The following SVOP variants were observed in gnomAD, a reference collection of about 807,000 sequenced individuals.
SVOP encodes synaptic vesicle 2-related protein.
A neutral mutation model predicts 69.1 loss-of-function variants in SVOP; 17 were observed. The observed-to-expected ratio is 0.25, with a 90% CI of 0.17 to 0.37. SVOP has a LOEUF of 0.37. Among genes scored for constraint, SVOP ranks in the 10% least tolerant of loss-of-function variants. SVOP has a pLI of 1.00. For missense variants in SVOP, 435 were observed against 597.5 expected (o/e 0.73, Z 2.84); for synonymous variants, 238 against 238.6 (o/e 1.00, Z 0.02).
Position 108,912,504 on chromosome 12 carries a change from C to T in SVOP, c.*31G>A. On this transcript the variant is annotated 3_prime_UTR_variant, in exon 16 of 16. Coordinates refer to ENST00000610966, the MANE Select transcript of SVOP (RefSeq NM_018711.5). ...CTGCCAGCCCCCCAAGCTCTGCAGC[C>T]TCAAAGACCAGCTCAGTCCCCCATC... 1 of 1,612,376 alleles carries T rather than the reference C, an allele frequency of 6.2e-7. No individual in the cohort carries two copies. Among genetic ancestry groups the T allele is most frequent in the Non-Finnish European group, 8.5e-7 (1 of 1,178,556 alleles).
chr12:108,945,038 A>C, intron 7 of SVOP, 65 bp downstream of exon 7: 1 of 1,448,072 alleles, frequency 6.9e-7, no homozygotes, highest in Non-Finnish European at 9.4e-7. Context: ...CTGTGGTTCA[A>C]GACATCTGAG....
chr12:108,974,509 T>C (rs36187684), intron 4 of SVOP, among the ~76,000 whole-genome samples: 101,856 of 151,984 alleles, frequency 0.67, 34,636 homozygotes, highest in East Asian at 0.79. Context: ...GTGATCCTTT[T>C]AAGCAAAATA....
intron 11 of SVOP, among the ~76,000 whole-genome samples, chr12:108,928,150 T>A (rs190100200): frequency 1.3e-5 from 2 of 152,046 alleles, no homozygotes; most frequent in Non-Finnish European, 2.9e-5. Context: ...GTGGTCCACC[T>A]GCCTCAGCCT....
At chr12:109,018,333 A>C (rs1474749194) in intron 1 of SVOP, among the ~76,000 whole-genome samples, 1 of 152,090 alleles carries the variant, frequency 6.6e-6, no homozygotes, top group African/African-American at 2.4e-5. Flanking sequence ...TCTCAAATGA[A>C]CCACCCCAGA....
chr12:108,955,840 T>TA (rs2039982274), intron 6 of SVOP, among the ~76,000 whole-genome samples: 1 of 152,180 alleles, frequency 6.6e-6, no homozygotes, highest in African/African-American at 2.4e-5. Context: ...ATGACTATTT[T>TA]AAGGGACCCC....
chr12:108,960,349 C>T (rs1412885130), intron 6 of SVOP, among the ~76,000 whole-genome samples: 11 of 152,198 alleles, frequency 7.2e-5, no homozygotes, highest in Non-Finnish European at 1.5e-5. Flanking sequence ...AAGTCCTCCT[C>T]GATGCCCCAG....
intron 5 of SVOP, among the ~76,000 whole-genome samples, chr12:108,967,770 C>T (rs971628875): frequency 1.3e-5 from 2 of 152,136 alleles, no homozygotes; most frequent in African/African-American, 4.8e-5. Context: ...CACCCCTCCC[C>T]CAACGTGTGA....
intron 2 of SVOP, among the ~76,000 whole-genome samples, chr12:108,980,040 G>C (rs1233086941): frequency 6.6e-6 from 1 of 152,108 alleles, no homozygotes; most frequent in Non-Finnish European, 1.5e-5. Flanking sequence ...GCTGTGAGTT[G>C]TGGCTCACGC....
intron 15 of SVOP, among the ~76,000 whole-genome samples, chr12:108,914,296 C>G (rs79888757): frequency 6.6e-6 from 1 of 152,124 alleles, no homozygotes; most frequent in Non-Finnish European, 1.5e-5. Flanking sequence ...GGTTGCCCAA[C>G]GCTGTGAATG....
intron 1 of SVOP, among the ~76,000 whole-genome samples, chr12:109,002,540 A>G (rs2040278039): frequency 6.9e-6 from 1 of 145,130 alleles, no homozygotes; most frequent in Non-Finnish European, 1.5e-5. Context: ...TCACAATAGC[A>G]AAGACTTGGA....
At chr12:108,918,928 A>G (rs1486754916) in intron 13 of SVOP, among the ~76,000 whole-genome samples, 2 of 152,128 alleles carry the variant, frequency 1.3e-5, no homozygotes, top group Non-Finnish European at 2.9e-5. Flanking sequence ...TGAGGCAGCC[A>G]TGACCCTCAG....
intron 10 of SVOP, among the ~76,000 whole-genome samples, chr12:108,936,537 A>G (rs1259029213): frequency 6.6e-6 from 1 of 151,986 alleles, no homozygotes; most frequent in African/African-American, 2.4e-5. Flanking sequence ...GTACAGTGGC[A>G]TGATCACAGC....
chr12:108,938,799 T>G (rs967080966), intron 9 of SVOP, 28 bp downstream of exon 9: 1 of 1,613,780 alleles, frequency 6.2e-7, no homozygotes, highest in African/African-American at 1.3e-5. Context: ...ATACGCACAT[T>G]GCAGAGTCTA....
chr12:108,931,756 C>T (rs1344898375), intron 11 of SVOP, among the ~76,000 whole-genome samples: 1 of 151,710 alleles, frequency 6.6e-6, no homozygotes, highest in African/African-American at 2.4e-5. Flanking sequence ...ATAACTTGAA[C>T]CCGGGAGGTG....
At chr12:109,000,189 G>T (rs1422073601) in intron 1 of SVOP, among the ~76,000 whole-genome samples, 1 of 152,108 alleles carries the variant, frequency 6.6e-6, no homozygotes, top group Non-Finnish European at 1.5e-5. Context: ...ACACCTCTAC[G>T]CAAATAAACT....
In SVOP at chr12:108,908,424, C is replaced by A. The variant is rs2039660734; in HGVS notation, c.*4111G>T. The A allele has an allele frequency of 6.6e-6, 1 of 152,214 alleles. No individual in the cohort carries two copies. Among genetic ancestry groups the A allele is most frequent in the Non-Finnish European group, 1.5e-5 (1 of 68,042 alleles). The allele number at this position is 152,214 out of a possible 1,614,324, so 9.4% of individuals were successfully genotyped here. On this transcript the variant is annotated 3_prime_UTR_variant, in exon 16 of 16. Transcript: ENST00000610966. The stretch of plus-strand genomic sequence containing the variant: ...ATTTGAACATTTTTGATCCAATATA[C>A]TAATATTTGGAGATTTCACAGAAAA...
chr12:108,986,753 C>G (rs1157041868), intron 1 of SVOP, among the ~76,000 whole-genome samples: 2 of 150,180 alleles, frequency 1.3e-5, no homozygotes, highest in Non-Finnish European at 1.5e-5. Flanking sequence ...CTCACTCTGT[C>G]GCCAGTGCTC....
intron 11 of SVOP, among the ~76,000 whole-genome samples, chr12:108,928,866 C>A (rs1451451059): frequency 3.3e-5 from 5 of 152,166 alleles, no homozygotes; most frequent in African/African-American, 4.8e-5. Context: ...CCATGCCCGG[C>A]CATTTTATGA....
At chr12:108,950,237 TTTTC>T (rs1219946865) in intron 6 of SVOP, among the ~76,000 whole-genome samples, 24 of 150,382 alleles carry the variant, frequency 1.6e-4, no homozygotes, top group African/African-American at 5.0e-4. Flanking sequence ...TAATTTTTCT[TTTTC>T]TTTCTTTTTT....
Sources: allele counts gnomAD v4.1 joint callset (sites outside exome capture counted in the v4.1 genomes callset), GRCh38; gene constraint gnomAD v4.1.1; transcripts MANE v1.5; gene names NCBI Gene and HGNC (gene_info 2026-07-23, HGNC 2026-07-21).